Variants in TRDN observed in about 807,000 individuals in gnomAD.
TRDN encodes the protein triadin in skeletal muscle.
Under a neutral mutation model 149.7 loss-of-function variants are expected in TRDN, and 161 were observed. The ratio of observed to expected loss-of-function variants is 1.08; its 90% CI spans 0.95 to 1.23. The LOEUF (loss-of-function observed/expected upper bound fraction) is 1.23. TRDN is among the 50% of genes most tolerant of loss of function. The pLI, the probability that TRDN is intolerant of heterozygous loss-of-function variation, is 0.00. For synonymous variants in TRDN, 294 were observed against 250.5 expected, an observed-to-expected ratio of 1.17 and a Z score of -1.64; for missense variants, 896 against 823.5, an observed-to-expected ratio of 1.09 and a Z score of -1.08.
Position 123,274,630 on chromosome 6 carries a change from GC to G in TRDN, c.1597+10del. 1.2e-6 allele frequency: 2 copies of G among 1,605,070 alleles called. No individual in the cohort carries two copies. Among genetic ancestry groups the G allele is most frequent in the Admixed American group, 1.7e-5 (1 of 59,516 alleles). On this transcript the variant is annotated intron_variant, in intron 27 of 40. Coordinates refer to ENST00000334268, the MANE Select transcript of TRDN (RefSeq NM_006073.4). ...CAACTCTGAATCTATATAAAATAAA[GC>G]TCATGTTACCTGGTTTTGCTTCTTT... is the stretch of plus-strand genomic sequence containing the variant.
At chr6:123,451,739 T>A (rs1775789911) in intron 10 of TRDN, among the ~76,000 whole-genome samples, 1 of 152,080 alleles carries the variant, frequency 6.6e-6, no homozygotes, top group Admixed American at 6.6e-5. Flanking sequence ...TCTCCCCAAT[T>A]CATTTTATGA....
chr6:123,524,739 T>C (rs987646702), intron 5 of TRDN, among the ~76,000 whole-genome samples: 1 of 152,142 alleles, frequency 6.6e-6, no homozygotes, highest in Non-Finnish European at 1.5e-5. Context: ...TCTCAAATAA[T>C]GAAATTTTGA....
At chr6:123,351,138 GA>G (rs1780448921) in intron 21 of TRDN, 3 of 984,512 alleles carry the variant, frequency 3.0e-6, no homozygotes, top group African/African-American at 1.7e-5. Context: ...ACTAGAGGGG[GA>G]AAGCTATAAA....
At chr6:123,227,471 T>C (rs1355431403) in intron 38 of TRDN, among the ~76,000 whole-genome samples, 1 of 151,814 alleles carries the variant, frequency 6.6e-6, no homozygotes, top group Non-Finnish European at 1.5e-5. Flanking sequence ...TGAACTGTGG[T>C]GCTAGGCCAG....
intron 10 of TRDN, among the ~76,000 whole-genome samples, chr6:123,444,065 T>C (rs933356377): frequency 1.3e-5 from 2 of 149,262 alleles, no homozygotes; most frequent in African/African-American, 5.1e-5. Context: ...AGAAAGTCAT[T>C]GGTAGCTTGA....
At chr6:123,539,823 G>A (rs1259806674) in intron 4 of TRDN, among the ~76,000 whole-genome samples, 1 of 152,096 alleles carries the variant, frequency 6.6e-6, no homozygotes, top group Non-Finnish European at 1.5e-5. Context: ...CTAACTCACT[G>A]GCCTCAGGAT....
intron 1 of TRDN, among the ~76,000 whole-genome samples, chr6:123,622,689 G>A (rs954318989): frequency 6.6e-6 from 1 of 152,104 alleles, no homozygotes; most frequent in African/African-American, 2.4e-5. Context: ...AATCACCACA[G>A]TGTCCTAATT....
intron 12 of TRDN, among the ~76,000 whole-genome samples, chr6:123,400,891 G>T (rs1772941028): frequency 6.6e-6 from 1 of 152,140 alleles, no homozygotes; most frequent in South Asian, 2.1e-4. Context: ...ACAGAATTGT[G>T]TGAATGTAGT....
chr6:123,550,588 G>A (rs1331078140), intron 2 of TRDN, among the ~76,000 whole-genome samples: 2 of 152,012 alleles, frequency 1.3e-5, no homozygotes, highest in East Asian at 1.9e-4. Context: ...GAGGAACTAG[G>A]ATCATAGTGA....
chr6:123,533,422 G>C (rs900995054), intron 4 of TRDN, among the ~76,000 whole-genome samples: 8 of 152,062 alleles, frequency 5.3e-5, no homozygotes, highest in African/African-American at 1.7e-4. Context: ...AAAAAATCCT[G>C]TCAGAGCCTC....
intron 23 of TRDN, among the ~76,000 whole-genome samples, chr6:123,321,712 G>A (rs72974638): frequency 6.6e-6 from 1 of 151,978 alleles, no homozygotes; most frequent in Non-Finnish European, 1.5e-5. Flanking sequence ...ACTCCAAATA[G>A]CTTGACTTCA....
chr6:123,492,354 C>T (rs1371591936), intron 9 of TRDN, among the ~76,000 whole-genome samples: 1 of 152,060 alleles, frequency 6.6e-6, no homozygotes, highest in Non-Finnish European at 1.5e-5. Flanking sequence ...AATTACTAAG[C>T]ACAAGCACAC....
chr6:123,475,173 A>G (rs1239280239), intron 9 of TRDN, among the ~76,000 whole-genome samples: 39 of 150,256 alleles, frequency 2.6e-4, no homozygotes, highest in African/African-American at 9.3e-4. Flanking sequence ...AGACTAATAA[A>G]GAAAAAAAGA....
chr6:123,400,769 T>C (rs1056082345), intron 12 of TRDN, among the ~76,000 whole-genome samples: 29 of 152,188 alleles, frequency 1.9e-4, no homozygotes, highest in African/African-American at 6.8e-4. Context: ...TTTTTTCTAA[T>C]ATTAGTAAGC....
At chr6:123,603,111 C>A (rs1375508737) in intron 1 of TRDN, among the ~76,000 whole-genome samples, 1 of 152,042 alleles carries the variant, frequency 6.6e-6, no homozygotes, top group Non-Finnish European at 1.5e-5. Flanking sequence ...AATCAAAGAA[C>A]TACTGAAATC....
intron 1 of TRDN, among the ~76,000 whole-genome samples, chr6:123,591,491 C>T (rs1306617413): frequency 1.3e-5 from 2 of 152,170 alleles, no homozygotes; most frequent in East Asian, 3.9e-4. Context: ...GATGATCCAC[C>T]TGTCTCAGCC....
chr6:123,317,990 A>G (rs1779095377), intron 23 of TRDN, among the ~76,000 whole-genome samples: 1 of 151,986 alleles, frequency 6.6e-6, no homozygotes, highest in Admixed American at 6.6e-5. Flanking sequence ...TGATGTCTTT[A>G]TGTGTCCAAT....
chr6:123,413,936 T>C (rs952338432), intron 12 of TRDN, among the ~76,000 whole-genome samples: 11 of 152,102 alleles, frequency 7.2e-5, no homozygotes, highest in Non-Finnish European at 1.6e-4. Context: ...TTAAGAGTTA[T>C]CCATTACTAA....
At chr6:123,417,268 A>G (rs989969725) in intron 12 of TRDN, among the ~76,000 whole-genome samples, 1 of 152,136 alleles carries the variant, frequency 6.6e-6, no homozygotes, top group African/African-American at 2.4e-5. Flanking sequence ...TATTAAGTCT[A>G]CCTTTCAGAT....
Sources: gnomAD v4.1 joint callset for allele counts (sites outside exome capture counted in the v4.1 genomes callset) on GRCh38, gnomAD v4.1.1 for gene constraint, MANE v1.5 for transcripts, NCBI Gene and HGNC (gene_info 2026-07-23, HGNC 2026-07-21) for gene names.